ZNF208: variants seen among roughly 807,000 people sequenced by gnomAD.
The protein encoded by ZNF208 is zinc finger protein 95.
In ZNF208, 10 loss-of-function variants were observed where a neutral mutation model predicts 12.1. The ratio of observed to expected loss-of-function variants is 0.83; its 90% CI spans 0.51 to 1.40. The LOEUF (loss-of-function observed/expected upper bound fraction) is 1.40, where lower values mean the gene tolerates loss of function less well. Ranked by LOEUF, ZNF208 falls within the 40% of genes most tolerant of loss-of-function variation. The pLI, the probability that ZNF208 is intolerant of heterozygous loss-of-function variation, is 0.00. For missense variants in ZNF208, 1,652 were observed against 1,485.0 expected (o/e 1.11, Z -1.85); for synonymous variants, 497 against 488.4 (o/e 1.02, Z -0.23).
intron 4 of ZNF208, among the ~76,000 whole-genome samples, chr19:21,945,125 G>A (rs1057166367): frequency 5.9e-5 from 9 of 152,222 alleles, no homozygotes; most frequent in East Asian, 1.9e-4. Context: ...TACTGTGTCC[G>A]TGCATCAAGA....
intron 1 of ZNF208, among the ~76,000 whole-genome samples, chr19:21,992,850 A>T (rs1490205991): frequency 6.6e-6 from 1 of 152,238 alleles, no homozygotes; most frequent in African/African-American, 2.4e-5. Flanking sequence ...CAAATACAGA[A>T]GTACAGGTTT....
At chr19:21,945,002 G>T (rs911521409) in intron 4 of ZNF208, among the ~76,000 whole-genome samples, 2 of 152,152 alleles carry the variant, frequency 1.3e-5, no homozygotes, top group African/African-American at 4.8e-5. Context: ...TGCACATTTT[G>T]ATTTTACCTT....
chr19:21,953,153 T>G (rs1035019116), intron 4 of ZNF208, among the ~76,000 whole-genome samples: 5 of 152,144 alleles, frequency 3.3e-5, no homozygotes, highest in Non-Finnish European at 7.3e-5. Flanking sequence ...CTCCAAGAAC[T>G]GTGGGACTAT....
intron 4 of ZNF208, chr19:21,940,891 TG>T: frequency 6.5e-6 from 1 of 154,344 alleles, no homozygotes; most frequent in South Asian, 1.9e-4. Context: ...GGAAATGCTC[TG>T]GTTGACCTCG....
chr19:21,977,047 T>C (rs1487253695), intron 3 of ZNF208, among the ~76,000 whole-genome samples: 1 of 152,204 alleles, frequency 6.6e-6, no homozygotes, highest in Admixed American at 6.5e-5. Flanking sequence ...ACTCATATTT[T>C]ATAAAATGCA....
At chr19:21,999,709 A>G (rs188527207) in intron 1 of ZNF208, among the ~76,000 whole-genome samples, 11 of 152,322 alleles carry the variant, frequency 7.2e-5, no homozygotes, top group African/African-American at 2.6e-4. Context: ...AAAGAAAGCA[A>G]TGAATCTCAG....
At chr19:21,991,691 G>A (rs1462445546) in intron 1 of ZNF208, 1 of 135,544 alleles carries the variant, frequency 7.4e-6, no homozygotes, top group Non-Finnish European at 1.5e-5. Flanking sequence ...GGTTAGCCGA[G>A]ATCATGCCAT....
chr19:22,010,643 CT>C, intron 1 of ZNF208, 148 bp downstream of exon 1: 1 of 1,229,964 alleles, frequency 8.1e-7, no homozygotes, highest in Non-Finnish European at 1.2e-6. Flanking sequence ...CATCTTATGG[CT>C]GAACCGGACT....
intron 3 of ZNF208, among the ~76,000 whole-genome samples, chr19:21,983,064 G>A (rs1167748228): frequency 6.6e-6 from 1 of 152,082 alleles, no homozygotes; most frequent in Non-Finnish European, 1.5e-5. Context: ...ACTATCATCA[G>A]AGTGAACAGG....
intron 1 of ZNF208, among the ~76,000 whole-genome samples, chr19:22,001,892 C>CAAAAAAGAAAAAAAAAAAAAAAAA (rs1970956426): frequency 1.3e-5 from 1 of 74,106 alleles, no homozygotes; most frequent in Admixed American, 1.7e-4. Flanking sequence ...GACTCCATCC[C>CAAAAAAGAAAAAAAAAAAAAAAAA]AAAAAAAAAA....
At chr19:21,981,821 G>A (rs2145560478) in intron 3 of ZNF208, among the ~76,000 whole-genome samples, 1 of 152,254 alleles carries the variant, frequency 6.6e-6, no homozygotes, top group Non-Finnish European at 1.5e-5. Flanking sequence ...CACTGTCTCA[G>A]CCCAAGATCT....
intron 4 of ZNF208, among the ~76,000 whole-genome samples, chr19:21,956,692 C>A (rs923767917): frequency 5.3e-5 from 8 of 152,202 alleles, no homozygotes; most frequent in African/African-American, 1.7e-4. Flanking sequence ...TGGAAAAGCA[C>A]AATGTTAGGG....
intron 1 of ZNF208, chr19:21,991,648 G>A (rs1276156637): frequency 6.6e-6 from 1 of 150,704 alleles, no homozygotes; most frequent in Non-Finnish European, 1.5e-5. Flanking sequence ...GCTGAGGCAG[G>A]AGAATCGCTT....
At chr19:21,941,171 G>A (rs1353088057) in intron 4 of ZNF208, 5 of 394,132 alleles carry the variant, frequency 1.3e-5, no homozygotes. Flanking sequence ...AGGAACTGCT[G>A]GAGCGGCTGA....
rs61748342 is a variant in ZNF208, at chr19:21,974,353, T to G, written c.681A>C (p.Lys227Asn). Residue 227 changes from lysine (K) to asparagine (N), a missense_variant, in exon 4 of 4, where the codon AAA becomes AAC. Physicochemically the swap from Lys to Asn is moderately conservative, Grantham distance 94 (BLOSUM62 0). Coordinates refer to ENST00000397126, the MANE Select transcript of ZNF208 (RefSeq NM_007153.3). ...TGCCACATTCTTTACATCTGTAGGGTTTCTCTCCAGTATGAGCACTCTTAT... is the reference window on the plus strand; with the variant it reads ...TGCCACATTCTTTACATCTGTAGGGGTTCTCTCCAGTATGAGCACTCTTAT... The part of the protein sequence containing the change: ...TYYKSAHTGE[K>N]PYRCKECGKA... The G allele has an allele frequency of 9.9e-4, 1,601 of 1,613,690 alleles. 7 individuals are homozygous for G. In the African/African-American group the frequency reaches 0.017, roughly 18 times the overall value.
At position 22,008,027 on chromosome 19, in the gene ZNF208, G is replaced by A. The variant is rs556890143; in HGVS notation, c.3+2765C>T. Among the ~76,000 whole-genome samples the A allele has an allele frequency of 3.9e-4, 55 of 139,696 alleles. 1 individual carries two copies. In the South Asian group the frequency reaches 9.5e-3, roughly 24 times the overall value. 91.6% of individuals were successfully genotyped at this position (139,696 alleles called of 152,430 possible). On this transcript the variant is annotated intron_variant, in intron 1 of 3. Transcript: ENST00000397126. ...TTAAAAAAAAAAAAAAAAAAGGGCC[G>A]GGCGCGGTGGCTCACACCTGTAATC... is the stretch of plus-strand genomic sequence containing the variant.
chr19:21,984,577 C>A lies in ZNF208; in HGVS notation c.226+2639G>T, dbSNP rs551267912. The stretch of plus-strand genomic sequence containing the variant: ...AAAAAAACAAAAACAAACAAACAAA[C>A]AAAAAAAATATATATGAATTTAACA... On this transcript the variant is annotated intron_variant, in intron 3 of 3. Transcript: ENST00000397126. Among the ~76,000 whole-genome samples, 470 of 150,998 alleles carry A rather than the reference C, an allele frequency of 3.1e-3. 4 individuals are homozygous for A. Among genetic ancestry groups the A allele is most frequent in the African/African-American group, 0.01 (423 of 40,804 alleles).
chr19:22,004,872 G>C (rs1193839250), intron 1 of ZNF208, among the ~76,000 whole-genome samples: 1 of 152,134 alleles, frequency 6.6e-6, no homozygotes, highest in Non-Finnish European at 1.5e-5. Context: ...CATAATTTTA[G>C]CTGTATAACA....
chr19:21,991,772 T>G (rs932536400), intron 1 of ZNF208: 1 of 151,516 alleles, frequency 6.6e-6, no homozygotes, highest in Non-Finnish European at 1.5e-5. Flanking sequence ...ATCAATTGCA[T>G]TTTTCAAATG....
Sources: gnomAD v4.1 joint callset for allele counts (sites outside exome capture counted in the v4.1 genomes callset) on GRCh38, gnomAD v4.1.1 for gene constraint, MANE v1.5 for transcripts, NCBI Gene and HGNC (gene_info 2026-07-23, HGNC 2026-07-21) for gene names.